MED12L: variants seen among roughly 807,000 people sequenced by gnomAD.
MED12L encodes mediator complex subunit 12L, also known as mediator of RNA polymerase II transcription subunit 12-like protein.
A neutral mutation model predicts 281.3 loss-of-function variants in MED12L; 60 were observed. The ratio of observed to expected loss-of-function variants is 0.21; its 90% confidence interval spans 0.17 to 0.26. The LOEUF (loss-of-function observed/expected upper bound fraction) is 0.26. Ranked by LOEUF, MED12L falls within the 10% of genes least tolerant of loss-of-function variation. MED12L has a pLI of 1.00. For synonymous variants in MED12L, 974 were observed against 987.2 expected, an observed-to-expected ratio of 0.99 and a Z score of 0.25; for missense variants, 2,146 against 2,680.9, an observed-to-expected ratio of 0.80 and a Z score of 4.41.
chr3:151,149,358 T>C (rs1300489549), intron 5 of MED12L, among the ~76,000 whole-genome samples: 1 of 152,192 alleles, frequency 6.6e-6, no homozygotes, highest in Non-Finnish European at 1.5e-5. Flanking sequence ...AATATTTTGG[T>C]TTCGTAGTGC....
intron 2 of MED12L, among the ~76,000 whole-genome samples, chr3:151,106,645 T>C (rs2148685937): frequency 6.6e-6 from 1 of 152,316 alleles, no homozygotes; most frequent in African/African-American, 2.4e-5. Context: ...CTTTCTTTAA[T>C]TTTCCCAACA....
intron 5 of MED12L, among the ~76,000 whole-genome samples, chr3:151,138,438 T>C (rs1023052693): frequency 1.3e-5 from 2 of 152,260 alleles, no homozygotes; most frequent in African/African-American, 4.8e-5. Flanking sequence ...TTATAATTAA[T>C]GAACCAATAT....
chr3:151,273,473 C>T (rs939071130), intron 16 of MED12L, among the ~76,000 whole-genome samples: 1 of 147,954 alleles, frequency 6.8e-6, no homozygotes, highest in Non-Finnish European at 1.5e-5. Context: ...AAACTTCTGA[C>T]CTTGTGATCT....
At chr3:151,174,007 G>A (rs550215156) in intron 11 of MED12L, among the ~76,000 whole-genome samples, 13 of 152,210 alleles carry the variant, frequency 8.5e-5, no homozygotes, top group African/African-American at 2.6e-4. Flanking sequence ...TATCCCTTAC[G>A]TGAAATATTT....
At chr3:151,198,224 T>G in intron 16 of MED12L, 1 of 449,458 alleles carries the variant, frequency 2.2e-6, no homozygotes, top group East Asian at 3.3e-5. Flanking sequence ...AATATTTGGG[T>G]TAATGAGTAG....
At chr3:151,236,970 G>A (rs982334525) in intron 16 of MED12L, among the ~76,000 whole-genome samples, 11 of 151,568 alleles carry the variant, frequency 7.3e-5, no homozygotes, top group South Asian at 2.1e-4. Flanking sequence ...AAAATTTCTC[G>A]TGGATATAAA....
At chr3:151,279,159 CAGAA>C (rs1333168090) in intron 16 of MED12L, among the ~76,000 whole-genome samples, 1 of 152,120 alleles carries the variant, frequency 6.6e-6, no homozygotes, top group African/African-American at 2.4e-5. Context: ...AACTCAGAAC[CAGAA>C]AGAAAGAAGA....
chr3:151,309,017 C>A (rs914092568), intron 16 of MED12L, among the ~76,000 whole-genome samples: 2 of 151,960 alleles, frequency 1.3e-5, no homozygotes, highest in African/African-American at 4.8e-5. Flanking sequence ...CAAACGTTCA[C>A]TCTCATTTTT....
chr3:151,191,920 A>C (rs3116552), intron 14 of MED12L, among the ~76,000 whole-genome samples: 140,979 of 150,432 alleles, frequency 0.94, 66,082 homozygotes, highest in Non-Finnish European at 0.96. Context: ...AACAAACAAA[A>C]AAAAAAAAAA....
chr3:151,329,192 A>G (rs1037434573), intron 16 of MED12L, among the ~76,000 whole-genome samples: 2 of 152,188 alleles, frequency 1.3e-5, no homozygotes, highest in Admixed American at 6.5e-5. Context: ...TAAAGCATAT[A>G]ATACATTTTT....
intron 43 of MED12L, among the ~76,000 whole-genome samples, chr3:151,422,836 T>TG (rs1718415496): frequency 6.8e-6 from 1 of 146,778 alleles, no homozygotes; most frequent in African/African-American, 2.5e-5. Context: ...TTTTTTTTTT[T>TG]GAAAAGAAGA....
At position 151,192,538 on chromosome 3, in the gene MED12L, G is replaced by C. The variant is rs1307838425; in HGVS notation, c.1969-12G>C. The C allele has an allele frequency of 6.6e-7, 1 of 1,510,620 alleles. No individual in the cohort carries two copies. The highest frequency in any genetic ancestry group is 8.9e-7 in the Non-Finnish European group (1 of 1,123,944). The allele number at this position is 1,510,620 out of a possible 1,614,324, so 93.6% of individuals were successfully genotyped here. On this transcript the variant is annotated splice_polypyrimidine_tract_variant and intron_variant, in intron 14 of 44. Coordinates refer to ENST00000687756, the MANE Select transcript of MED12L (RefSeq NM_001393769.1). ...ACTTACAATGTTACTTTCTTTCTCT[G>C]GCGATTATCAGGAACAGAGTATTAT... is the stretch of plus-strand genomic sequence containing the variant.
chr3:151,305,299 G>A (rs1324970707), intron 16 of MED12L, among the ~76,000 whole-genome samples: 1 of 152,220 alleles, frequency 6.6e-6, no homozygotes, highest in African/African-American at 2.4e-5. Flanking sequence ...TGTGATGTTT[G>A]TGGTAGGCCT....
At chr3:151,225,490 A>AGT in intron 16 of MED12L, among the ~76,000 whole-genome samples, 1 of 152,290 alleles carries the variant, frequency 6.6e-6, no homozygotes, top group African/African-American at 2.4e-5. Context: ...TAATACCATT[A>AGT]ATTTGCTCAC....
rs376964454 is a variant in MED12L at position 151,429,832 on chromosome 3, C to T, written c.6409-467C>T. ...TCCATCATATGGGGAGGGTATAGTC[C>T]CAAATGAGCCCTAGTCCTAGGGCAC... On this transcript the variant is annotated intron_variant, in intron 43 of 44. Transcript: ENST00000687756. 2.0e-5 allele frequency among the ~76,000 whole-genome samples: 3 copies of T among 152,142 alleles called. No homozygotes were observed. In the East Asian group the frequency reaches 5.8e-4, roughly 29 times the overall value.
At chr3:151,382,988 A>T (rs997056892) in intron 33 of MED12L, among the ~76,000 whole-genome samples, 19 of 152,098 alleles carry the variant, frequency 1.2e-4, no homozygotes, top group African/African-American at 4.6e-4. Context: ...CTCTACCTCT[A>T]CCCCAGTGAA....
chr3:151,194,528 A>G (rs1242041833), intron 16 of MED12L, among the ~76,000 whole-genome samples: 1 of 152,186 alleles, frequency 6.6e-6, no homozygotes, highest in African/African-American at 2.4e-5. Context: ...TCCACTCTCA[A>G]AGAATGAGTA....
chr3:151,294,558 A>G, intron 16 of MED12L: 3 of 1,614,174 alleles, frequency 1.9e-6, no homozygotes, highest in Non-Finnish European at 2.5e-6. Context: ...ATGTACCTGG[A>G]TATGGCTATG....
intron 43 of MED12L, among the ~76,000 whole-genome samples, chr3:151,417,601 T>G (rs762356618): frequency 1.4e-5 from 2 of 146,666 alleles, no homozygotes; most frequent in Non-Finnish European, 3.0e-5. Flanking sequence ...TTCTCCTGCC[T>G]CAGCCTCCCA....
Sources: allele counts gnomAD v4.1 joint callset (sites outside exome capture counted in the v4.1 genomes callset), GRCh38; gene constraint gnomAD v4.1.1; transcripts MANE v1.5; gene names NCBI Gene and HGNC (gene_info 2026-07-23, HGNC 2026-07-21).